Variants in COL18A1 observed in about 807,000 individuals in gnomAD.
COL18A1 encodes the protein collagen type XVIII alpha 1 chain, also known as collagen alpha-1(XVIII) chain.
COL18A1 carries 133 observed loss-of-function variants against 168.0 expected under a neutral mutation model. That is an observed-to-expected ratio of 0.79 (90% CI 0.69 to 0.91). The LOEUF (loss-of-function observed/expected upper bound fraction) is 0.91, where lower values mean the gene tolerates loss of function less well. Ranked by LOEUF, COL18A1 falls within the 40% of genes least tolerant of loss-of-function variation. COL18A1 has a pLI of 0.00. For missense variants in COL18A1, 2,126 were observed against 1,925.4 expected (o/e 1.10, Z -1.95); for synonymous variants, 949 against 809.0 (o/e 1.17, Z -2.94).
rs952094666 is a variant in COL18A1 at position 45,492,244 on chromosome 21, C to T, written c.2158-291C>T. On this transcript the variant is annotated intron_variant, in intron 22 of 41. Transcript: ENST00000651438. ...AACATCAGAAAAGCCTCCCGTAGGC[C>T]GAGCCACCTCCGCCGGCAAGCAAGG... Among the ~76,000 whole-genome samples the T allele has an allele frequency of 8.5e-5, 13 of 152,150 alleles. No individual in the cohort carries two copies. The East Asian group carries it at 1.5e-3, about 18-fold the overall frequency.
chr21:45,478,007 G>A, intron 8 of COL18A1, 42 bp downstream of exon 8: 1 of 1,107,522 alleles, frequency 9.0e-7, no homozygotes, highest in Non-Finnish European at 1.3e-6. Flanking sequence ...GGTCTGGAGG[G>A]TGGGGGCTTG....
chr21:45,417,040 G>C (rs1321551540), intron 2 of COL18A1, among the ~76,000 whole-genome samples: 3 of 152,148 alleles, frequency 2.0e-5, no homozygotes, highest in African/African-American at 7.2e-5. Context: ...AGTTCCCTAA[G>C]TTATTTTTGT....
intron 2 of COL18A1, chr21:45,455,869 G>T (rs1385889350): frequency 6.2e-7 from 1 of 1,613,006 alleles, no homozygotes; most frequent in Non-Finnish European, 8.5e-7. Context: ...TCGGAGCCGA[G>T]ATCCTGAACG....
Position 45,475,478 on chromosome 21 carries a change from A to G in COL18A1, c.741A>G (p.Ala247=), listed in dbSNP as rs775230669. The change falls in exon 5 of 42, where the codon GCA becomes GCG. Residue 247 remains alanine (A), a splice_region_variant and synonymous_variant. Coordinates refer to ENST00000651438, the MANE Select transcript of COL18A1 (RefSeq NM_001379500.1). The part of the protein sequence containing the change: ...LDEEGDDSDG[A]SGDSGSGLGD... ...CTTTCCCTTTTCAAACTCCTCAGGC[A>G]TCCGGAGACTCTGGCAGCGGGCTCG... 16 of 1,602,434 alleles carry G rather than the reference A, an allele frequency of 1.0e-5. No individual in the cohort carries two copies. The South Asian group carries it at 1.2e-4, about 12-fold the overall frequency.
chr21:45,508,385 G>A (rs1420882995), intron 38 of COL18A1, among the ~76,000 whole-genome samples: 4 of 146,962 alleles, frequency 2.7e-5, no homozygotes, highest in Non-Finnish European at 5.9e-5. Flanking sequence ...TGGATGGTGG[G>A]CAGATGGATG....
chr21:45,444,325 G>A (rs1005926077), intron 2 of COL18A1, among the ~76,000 whole-genome samples: 3 of 139,628 alleles, frequency 2.1e-5, no homozygotes, highest in South Asian at 2.2e-4. Context: ...AGTAGGTGGC[G>A]TGCAGGGGTG....
intron 38 of COL18A1, among the ~76,000 whole-genome samples, chr21:45,509,065 C>T (rs781449301): frequency 6.6e-6 from 1 of 152,094 alleles, no homozygotes; most frequent in African/African-American, 2.4e-5. Context: ...GGAGCCGCGG[C>T]AAAGGAGAGG....
intron 2 of COL18A1, among the ~76,000 whole-genome samples, chr21:45,466,095 T>C (rs1303708536): frequency 6.6e-6 from 1 of 152,066 alleles, no homozygotes; most frequent in East Asian, 1.9e-4. Context: ...TCCTGGAAAG[T>C]CCGGCTTCTG....
chr21:45,475,401 G>A (rs2035611202), intron 4 of COL18A1, 75 bp from the exon 5 acceptor site: 1 of 1,370,262 alleles, frequency 7.3e-7, no homozygotes, highest in African/African-American at 1.4e-5. Context: ...AGCGTCCTTT[G>A]CTTCCCAGGC....
At chr21:45,490,230 TG>T (rs2036268572) in intron 19 of COL18A1, 44 bp from the exon 20 acceptor site, 1 of 1,510,714 alleles carries the variant, frequency 6.6e-7, no homozygotes, top group Admixed American at 2.0e-5. Flanking sequence ...CCTGCATTCC[TG>T]GGCGTGTGGC....
At chr21:45,438,512 T>G (rs541954177) in intron 2 of COL18A1, among the ~76,000 whole-genome samples, 1 of 152,302 alleles carries the variant, frequency 6.6e-6, no homozygotes, top group Non-Finnish European at 1.5e-5. Context: ...TTTCTCGATG[T>G]TGGGTTTACT....
intron 2 of COL18A1, among the ~76,000 whole-genome samples, chr21:45,432,979 T>G (rs2034003716): frequency 6.6e-6 from 1 of 152,216 alleles, no homozygotes; most frequent in Non-Finnish European, 1.5e-5. Flanking sequence ...AGGTGCCTCC[T>G]GCATCTACTT....
At chr21:45,505,780 C>A (rs777883403) in intron 36 of COL18A1, 58 bp from the exon 37 acceptor site, 5 of 1,293,164 alleles carry the variant, frequency 3.9e-6, no homozygotes, top group Middle Eastern at 2.6e-4. Flanking sequence ...TCCTTCCTTC[C>A]GCCCCTGCCC....
chr21:45,482,274 C>T, intron 14 of COL18A1: 1 of 646,082 alleles, frequency 1.5e-6, no homozygotes, highest in Non-Finnish European at 2.8e-6. Flanking sequence ...CCTGCGAGAT[C>T]TGAGATCTTA....
At position 45,476,440 on chromosome 21, in the gene COL18A1, T is replaced by G. The variant is rs1446363980; in HGVS notation, c.888T>G (p.Ser296Arg). The change falls in exon 6 of 42, where the codon AGT (serine) becomes AGG (arginine). Residue 296 changes from serine (S) to arginine (R), a missense_variant. By Grantham distance (110) the Ser-to-Arg change is moderately radical. Transcript: ENST00000651438. ...GCAGCAGCACGGAAGATTCCAGAAG[T>G]GAAGAAGTCGAGGAGCAGACCACGG... The part of the protein sequence containing the change: ...AGGSSTEDSR[S>R]EEVEEQTTVA... 2 of 1,613,716 alleles carry G rather than the reference T, an allele frequency of 1.2e-6. No individual in the cohort carries two copies. Among genetic ancestry groups the G allele is most frequent in the East Asian group, 2.2e-5 (1 of 44,874 alleles).
Position 45,405,260 on chromosome 21 carries a change from G to T in COL18A1, c.11+19G>T. On this transcript the variant is annotated intron_variant, in intron 1 of 41. Coordinates refer to ENST00000651438, the MANE Select transcript of COL18A1 (RefSeq NM_001379500.1). ...CGCCGAGGTGAGGCCGGGGCTGCGG[G>T]CAGGGGTTGGGGGACGCCAAGATGC... 1 of 114,132 alleles carries T rather than the reference G, an allele frequency of 8.8e-6. No homozygotes were observed. Among genetic ancestry groups the T allele is most frequent in the Non-Finnish European group, 1.3e-5 (1 of 77,200 alleles). 7.1% of individuals were successfully genotyped at this position (114,132 alleles called of 1,614,324 possible). A position where few individuals can be genotyped will look rare whatever the true frequency, so the allele number is the denominator to read the frequency against.
At chr21:45,509,317 G>C (rs1370240650) in intron 38 of COL18A1, 39 bp from the exon 39 acceptor site, 1 of 1,537,312 alleles carries the variant, frequency 6.5e-7, no homozygotes, top group Non-Finnish European at 8.7e-7. Flanking sequence ...GCACCCGGAG[G>C]GTCCCCCCGC....
chr21:45,452,418 ATG>A (rs1477737029), intron 2 of COL18A1, among the ~76,000 whole-genome samples: 3 of 151,586 alleles, frequency 2.0e-5, no homozygotes, highest in Non-Finnish European at 2.9e-5. Context: ...GTGTGTATAT[ATG>A]TGAGCTTGTG....
intron 32 of COL18A1, among the ~76,000 whole-genome samples, chr21:45,501,274 G>C (rs1016564750): frequency 8.5e-5 from 13 of 152,066 alleles, no homozygotes; most frequent in Admixed American, 8.5e-4. Context: ...AATTGGCAAA[G>C]TGAAAAAGAA....
Sources: gnomAD v4.1 joint callset for allele counts (sites outside exome capture counted in the v4.1 genomes callset) on GRCh38, gnomAD v4.1.1 for gene constraint, MANE v1.5 for transcripts, NCBI Gene and HGNC (gene_info 2026-07-23, HGNC 2026-07-21) for gene names.